Variants in IL1RAPL1 observed in about 807,000 individuals in gnomAD.
IL1RAPL1 encodes interleukin 1 receptor accessory protein like 1.
In IL1RAPL1, 3 loss-of-function variants were observed where a neutral mutation model predicts 48.4. The observed-to-expected ratio is 0.06, with a 90% CI of 0.03 to 0.16. The LOEUF is 0.16. Ranked by LOEUF, IL1RAPL1 falls within the 10% of genes least tolerant of loss-of-function variation. IL1RAPL1 has a pLI of 1.00. For synonymous variants in IL1RAPL1, 185 were observed against 187.7 expected (o/e 0.99, Z 0.12); for missense variants, 349 against 530.6 (o/e 0.66, Z 3.36).
At chrX:29,845,107 C>G (rs750857251) in intron 6 of IL1RAPL1, among the ~76,000 whole-genome samples, 2 of 112,329 alleles carry the variant, frequency 1.8e-5, no homozygotes, top group East Asian at 5.6e-4. Flanking sequence ...AGAACTGTGA[C>G]AGAATACATT....
intron 1 of IL1RAPL1, among the ~76,000 whole-genome samples, chrX:28,759,776 G>A: frequency 8.9e-6 from 1 of 111,919 alleles, no homozygotes; most frequent in East Asian, 2.8e-4. Flanking sequence ...AAGGTTGGTG[G>A]AGATGCTTGA....
chrX:29,289,049 A>T (rs1326788000), intron 3 of IL1RAPL1, among the ~76,000 whole-genome samples: 2 of 110,390 alleles, frequency 1.8e-5, no homozygotes, highest in African/African-American at 6.6e-5. Context: ...TTCCTTGTAG[A>T]CTCTGGATAT....
chrX:29,281,209 A>G (rs1453094319), intron 2 of IL1RAPL1, among the ~76,000 whole-genome samples: 1 of 111,195 alleles, frequency 9.0e-6, no homozygotes, highest in Non-Finnish European at 1.9e-5. Context: ...CAATATTCAA[A>G]TGTTATTACT....
intron 1 of IL1RAPL1, among the ~76,000 whole-genome samples, chrX:28,719,075 T>C (rs1439377354): frequency 1.8e-5 from 2 of 111,037 alleles, no homozygotes; most frequent in Non-Finnish European, 3.8e-5. Flanking sequence ...GGGTTAGACA[T>C]AATTGTAAAT....
At chrX:29,287,262 C>G (rs1306280107) in intron 3 of IL1RAPL1, among the ~76,000 whole-genome samples, 2 of 111,938 alleles carry the variant, frequency 1.8e-5, no homozygotes, top group Non-Finnish European at 3.8e-5. Flanking sequence ...TGTACATATC[C>G]ATAGTTCATT....
intron 6 of IL1RAPL1, among the ~76,000 whole-genome samples, chrX:29,813,514 T>C (rs1387650094): frequency 8.9e-6 from 1 of 111,970 alleles, no homozygotes; most frequent in African/African-American, 3.2e-5. Flanking sequence ...TACCAATTCA[T>C]TTGTGTTTCA....
intron 6 of IL1RAPL1, among the ~76,000 whole-genome samples, chrX:29,905,914 TTA>T (rs1491288791): frequency 2.7e-5 from 3 of 111,041 alleles, no homozygotes; most frequent in African/African-American, 9.8e-5. Context: ...TTTACACAGA[TTA>T]AAGAAATGTT....
chrX:29,035,992 C>G (rs1461007071), intron 2 of IL1RAPL1, among the ~76,000 whole-genome samples: 1 of 111,916 alleles, frequency 8.9e-6, no homozygotes, highest in Non-Finnish European at 1.9e-5. Flanking sequence ...GCTGCCAGGC[C>G]AAATTTCTCA....
At chrX:29,698,259 C>T (rs1040769239) in intron 6 of IL1RAPL1, among the ~76,000 whole-genome samples, 1 of 108,413 alleles carries the variant, frequency 9.2e-6, no homozygotes, top group Non-Finnish European at 1.9e-5. Flanking sequence ...CAACCTCCAC[C>T]TCCAGGGTTT....
chrX:29,735,211 C>G (rs1440164650), intron 6 of IL1RAPL1, among the ~76,000 whole-genome samples: 2 of 111,310 alleles, frequency 1.8e-5, no homozygotes, highest in Non-Finnish European at 1.9e-5. Flanking sequence ...TTCCTTGGCT[C>G]ATGGTCTCTT....
intron 3 of IL1RAPL1, among the ~76,000 whole-genome samples, chrX:29,383,094 G>A (rs1344024750): frequency 8.9e-6 from 1 of 112,263 alleles, no homozygotes; most frequent in Non-Finnish European, 1.9e-5. Context: ...CTGAGCCTGA[G>A]AAGATGCAAG....
At chrX:28,806,743 G>A (rs146881056) in intron 2 of IL1RAPL1, among the ~76,000 whole-genome samples, 19 of 111,510 alleles carry the variant, frequency 1.7e-4, no homozygotes, top group Middle Eastern at 4.6e-3. Flanking sequence ...GCATGTTTTC[G>A]CTTTCTTTGG....
intron 1 of IL1RAPL1, among the ~76,000 whole-genome samples, chrX:28,737,110 T>C (rs1935837657): frequency 1.0e-5 from 1 of 97,227 alleles, no homozygotes; most frequent in African/African-American, 3.8e-5. Context: ...TTCTTTTCTC[T>C]TCTTTTCCTT....
At chrX:29,697,924 G>A (rs1926955648) in intron 6 of IL1RAPL1, among the ~76,000 whole-genome samples, 1 of 111,464 alleles carries the variant, frequency 9.0e-6, no homozygotes, top group East Asian at 2.8e-4. Flanking sequence ...TTTCTAAAGC[G>A]TAATATGGAC....
intron 1 of IL1RAPL1, among the ~76,000 whole-genome samples, chrX:28,640,593 C>T (rs1187807636): frequency 9.1e-6 from 1 of 109,466 alleles, no homozygotes; most frequent in Non-Finnish European, 1.9e-5. Flanking sequence ...TCAAGTGATC[C>T]ACCCACCTTG....
At chrX:29,328,558 A>G (rs1198489263) in intron 3 of IL1RAPL1, among the ~76,000 whole-genome samples, 1 of 110,157 alleles carries the variant, frequency 9.1e-6, no homozygotes, top group Non-Finnish European at 1.9e-5. Flanking sequence ...ACTGTAATAT[A>G]ACAGGTAACA....
chrX:29,400,765 G>T (rs984994866), intron 5 of IL1RAPL1, among the ~76,000 whole-genome samples: 24 of 111,855 alleles, frequency 2.1e-4, no homozygotes, highest in African/African-American at 7.1e-4. Flanking sequence ...TTTGAAATTT[G>T]TTTTTCATCT....
At chrX:29,392,088 G>A (rs1025054895) in intron 3 of IL1RAPL1, among the ~76,000 whole-genome samples, 2 of 111,724 alleles carry the variant, frequency 1.8e-5, no homozygotes. Context: ...AGAAAGGATA[G>A]TGGGGTGTTT....
intron 2 of IL1RAPL1, among the ~76,000 whole-genome samples, chrX:28,926,189 G>A (rs1340836695): frequency 4.5e-5 from 5 of 111,814 alleles, no homozygotes; most frequent in East Asian, 2.8e-4. Flanking sequence ...TAGCAGCTTC[G>A]TATTGAGCAG....
Sources: gnomAD v4.1 joint callset for allele counts (sites outside exome capture counted in the v4.1 genomes callset) on GRCh38, gnomAD v4.1.1 for gene constraint, MANE v1.5 for transcripts, NCBI Gene and HGNC (gene_info 2026-07-23, HGNC 2026-07-21) for gene names.